Variants in UBR4 observed in about 807,000 individuals in gnomAD.
The protein encoded by UBR4 is E3 ubiquitin-protein ligase UBR4.
A neutral mutation model predicts 575.6 loss-of-function variants in UBR4; 124 were observed. That is an observed-to-expected ratio of 0.22 (90% CI 0.19 to 0.25). The LOEUF (loss-of-function observed/expected upper bound fraction) is 0.25. UBR4 is among the 10% of genes least tolerant of loss of function. The pLI, the probability that UBR4 is intolerant of heterozygous loss-of-function variation, is 1.00. For synonymous variants in UBR4, 2,455 were observed against 2,473.7 expected (o/e 0.99, Z 0.22); for missense variants, 4,818 against 6,478.8 (o/e 0.74, Z 8.80).
intron 62 of UBR4, 52 bp from the exon 63 acceptor site, chr1:19,127,791 C>A: frequency 1.4e-6 from 2 of 1,444,268 alleles, no homozygotes; most frequent in South Asian, 2.3e-5. Context: ...ATGCTTGAGG[C>A]ATCCTCTGAA....
chr1:19,126,417 G>A, intron 64 of UBR4, 29 bp downstream of exon 64: 1 of 1,613,038 alleles, frequency 6.2e-7, no homozygotes, highest in South Asian at 1.1e-5. Context: ...CAAAGGACGA[G>A]TGTTTCTTTG....
intron 27 of UBR4, among the ~76,000 whole-genome samples, chr1:19,168,598 T>G (rs1257477727): frequency 6.6e-6 from 1 of 152,180 alleles, no homozygotes. Context: ...ATTTAGCTTT[T>G]GAAAAGAACT....
chr1:19,130,907 T>C (rs1293486892), intron 60 of UBR4, among the ~76,000 whole-genome samples: 1 of 152,062 alleles, frequency 6.6e-6, no homozygotes, highest in Non-Finnish European at 1.5e-5. Flanking sequence ...CATTCATTCA[T>C]TCATTTTGTT....
At chr1:19,168,426 T>C (rs1342529227) in intron 27 of UBR4, among the ~76,000 whole-genome samples, 1 of 152,136 alleles carries the variant, frequency 6.6e-6, no homozygotes, top group Non-Finnish European at 1.5e-5. Flanking sequence ...CACTTTCAAA[T>C]GATTAGAGTA....
At chr1:19,128,121 G>A (rs1244564577) in intron 62 of UBR4, 90 bp downstream of exon 62, 11 of 1,246,416 alleles carry the variant, frequency 8.8e-6, no homozygotes, top group East Asian at 4.6e-5. Flanking sequence ...CCCTTGAAAC[G>A]AGGTGAAGTT....
chr1:19,156,543 G>T, intron 41 of UBR4, 120 bp from the exon 42 acceptor site: 2 of 1,308,740 alleles, frequency 1.5e-6, no homozygotes, highest in Non-Finnish European at 2.1e-6. Context: ...ACAGTATTTA[G>T]ACTGTCTAGT....
chr1:19,190,722 C>T (rs1571671914), intron 11 of UBR4, among the ~76,000 whole-genome samples: 1 of 152,246 alleles, frequency 6.6e-6, no homozygotes, highest in East Asian at 1.9e-4. Context: ...CCAGCTGTAC[C>T]TTCCAAATAT....
chr1:19,105,619 GTCT>G (rs2079104577), intron 84 of UBR4, 111 bp downstream of exon 84: 1 of 783,564 alleles, frequency 1.3e-6, no homozygotes, highest in Admixed American at 3.6e-5. Flanking sequence ...TGTTTCTGGG[GTCT>G]TCTACCCAGA....
intron 105 of UBR4, 129 bp downstream of exon 105, chr1:19,076,611 G>T: frequency 7.9e-7 from 1 of 1,262,908 alleles, no homozygotes; most frequent in South Asian, 1.3e-5. Flanking sequence ...AGGGCTTTCA[G>T]TGGCAGCTGA....
chr1:19,086,917 T>C (rs761669527), intron 99 of UBR4, 96 bp from the exon 100 acceptor site: 24 of 1,523,914 alleles, frequency 1.6e-5, no homozygotes, highest in Non-Finnish European at 2.0e-5. Flanking sequence ...TCTTGGGCAA[T>C]GCCTTGGGTT....
chr1:19,201,959 G>A, intron 1 of UBR4, 144 bp from the exon 2 acceptor site: 1 of 684,832 alleles, frequency 1.5e-6, no homozygotes, highest in Admixed American at 2.9e-5. Context: ...TGGGAAAGAT[G>A]AGACAGGTGG....
At position 19,141,333 on chromosome 1, in the gene UBR4, G is replaced by GC; in HGVS notation, c.8488+13dup. The GC allele has an allele frequency of 6.2e-7, 1 of 1,614,162 alleles. No homozygotes were observed. ...AGGCCAATGGGCCGCTTTGTTCTTG[G>GC]CATGGCCTTCTACCTTGTTGGTCCT... On this transcript the variant is annotated intron_variant, in intron 57 of 105. Coordinates refer to ENST00000375254, the MANE Select transcript of UBR4 (RefSeq NM_020765.3).
intron 43 of UBR4, 97 bp downstream of exon 43, chr1:19,155,344 C>A: frequency 1.5e-6 from 2 of 1,297,458 alleles, no homozygotes; most frequent in Non-Finnish European, 2.1e-6. Flanking sequence ...AGATGAAGTC[C>A]ACAGAAAAAT....
At chr1:19,158,225 G>C (rs1218008589) in intron 39 of UBR4, among the ~76,000 whole-genome samples, 3 of 151,936 alleles carry the variant, frequency 2.0e-5, no homozygotes, top group Admixed American at 6.6e-5. Flanking sequence ...ACAAAGTACT[G>C]GTCTTTTAAA....
intron 11 of UBR4, among the ~76,000 whole-genome samples, chr1:19,188,257 G>T (rs1160367246): frequency 1.3e-5 from 2 of 152,104 alleles, no homozygotes; most frequent in Non-Finnish European, 2.9e-5. Context: ...ACAAATCTAA[G>T]AGAATAAAAA....
At chr1:19,190,312 A>AAAAAAAAAAAT in intron 11 of UBR4, among the ~76,000 whole-genome samples, 4 of 79,922 alleles carry the variant, frequency 5.0e-5, no homozygotes, top group South Asian at 8.3e-4. Flanking sequence ...AAAAAAAAAA[A>AAAAAAAAAAAT]ATATATATAT....
chr1:19,114,957 A>C lies in UBR4; in HGVS notation c.11064-8T>G. 1 of 1,614,170 alleles carries C rather than the reference A, an allele frequency of 6.2e-7. No individual in the cohort carries two copies. Among genetic ancestry groups the C allele is most frequent in the Non-Finnish European group, 8.5e-7 (1 of 1,180,004 alleles). On this transcript the variant is annotated splice_polypyrimidine_tract_variant and splice_region_variant and intron_variant, in intron 74 of 105. Transcript: ENST00000375254. ...TCATCGTAGTTGATGGATCTGAGTA[A>C]CCAAAGCGTTTGGGTCAGTAAGGTG...
At chr1:19,183,666 G>C (rs757884149) in intron 17 of UBR4, 145 bp downstream of exon 17, 7 of 756,834 alleles carry the variant, frequency 9.2e-6, no homozygotes, top group African/African-American at 1.8e-5. Context: ...AGGTTGCAGT[G>C]AGCCAAGACC....
chr1:19,156,534 C>T (rs1021266084), intron 41 of UBR4, 111 bp from the exon 42 acceptor site: 7 of 1,393,114 alleles, frequency 5.0e-6, no homozygotes, highest in African/African-American at 2.9e-5. Flanking sequence ...TGCCTTCAGA[C>T]AGTATTTAGA....
Sources: allele counts gnomAD v4.1 joint callset (sites outside exome capture counted in the v4.1 genomes callset), GRCh38; gene constraint gnomAD v4.1.1; transcripts MANE v1.5; gene names NCBI Gene and HGNC (gene_info 2026-07-23, HGNC 2026-07-21).